KL: variants seen among roughly 807,000 people sequenced by gnomAD.
The protein encoded by KL is alpha-klotho.
KL carries 62 observed loss-of-function variants against 84.2 expected under a neutral mutation model. The observed-to-expected ratio is 0.74, with a 90% CI of 0.60 to 0.91. The LOEUF is 0.91. KL is among the 40% of genes least tolerant of loss of function. The probability of loss-of-function intolerance (pLI) is 0.00; values close to 1 mark genes in which losing one functional copy is unlikely to be tolerated. For synonymous variants in KL, 528 were observed against 528.0 expected (o/e 1.00, Z 0.00); for missense variants, 1,261 against 1,305.7 (o/e 0.97, Z 0.53).
At chr13:33,033,160 T>G (rs748350486) in intron 1 of KL, among the ~76,000 whole-genome samples, 1 of 152,206 alleles carries the variant, frequency 6.6e-6, no homozygotes, top group Non-Finnish European at 1.5e-5. Context: ...TCCTTCACAA[T>G]TCTCATTTCC....
intron 1 of KL, among the ~76,000 whole-genome samples, chr13:33,039,966 C>T (rs972831746): frequency 8.5e-5 from 13 of 152,108 alleles, no homozygotes; most frequent in Admixed American, 2.6e-4. Flanking sequence ...GCTAAGAAGT[C>T]CAAAGCAGGT....
intron 1 of KL, among the ~76,000 whole-genome samples, chr13:33,041,584 C>T (rs1871340628): frequency 6.6e-6 from 1 of 152,048 alleles, no homozygotes. Flanking sequence ...GGTGCTATTA[C>T]TATCCCTACT....
At chr13:33,033,694 G>GCCCCCGGA in intron 1 of KL, among the ~76,000 whole-genome samples, 1 of 151,890 alleles carries the variant, frequency 6.6e-6, no homozygotes, top group African/African-American at 2.4e-5. Context: ...TCTCCTGGAG[G>GCCCCCGGA]CCCCCGGAAC....
At chr13:33,046,148 T>C (rs945422707) in intron 1 of KL, among the ~76,000 whole-genome samples, 8 of 152,246 alleles carry the variant, frequency 5.3e-5, no homozygotes, top group Non-Finnish European at 8.8e-5. Context: ...ATCAAGATAA[T>C]GCTGGCCACA....
chr13:33,051,143 A>C (rs181755628), intron 1 of KL, among the ~76,000 whole-genome samples: 92 of 152,312 alleles, frequency 6.0e-4, no homozygotes, highest in Middle Eastern at 6.8e-3. Flanking sequence ...CTGCATTAGG[A>C]GTTTTACATG....
intron 4 of KL, 83 bp downstream of exon 4, chr13:33,061,863 C>G: frequency 7.3e-7 from 1 of 1,377,216 alleles, no homozygotes; most frequent in Non-Finnish European, 1.0e-6. Context: ...AACATCAACA[C>G]ACACTGCCAC....
Position 33,055,156 on chromosome 13 carries a change from C to T in KL, c.1440C>T (p.Asp480=). The T allele has an allele frequency of 6.8e-6, 11 of 1,614,210 alleles. No individual in the cohort carries two copies. Among genetic ancestry groups the T allele is most frequent in the Non-Finnish European group, 9.3e-6 (11 of 1,180,036 alleles). ...TCAGGCGTGGACTCTTCTATGTTGA[C>T]TTTCTAAGCCAGGACAAGATGTTGT... ...YSIRRGLFYV[D]FLSQDKMLLP... Residue 480 remains aspartate, a synonymous_variant, in exon 3 of 5, where the codon GAC becomes GAT. Coordinates refer to ENST00000380099, the MANE Select transcript of KL (RefSeq NM_004795.4).
intron 1 of KL, among the ~76,000 whole-genome samples, chr13:33,041,098 A>G (rs971007854): frequency 6.6e-6 from 1 of 152,070 alleles, no homozygotes; most frequent in Non-Finnish European, 1.5e-5. Flanking sequence ...GTAGCCACTG[A>G]TTTTTGGAAA....
Position 33,057,217 on chromosome 13 carries a change from T to C in KL, c.1599+1902T>C, listed in dbSNP as rs1374464365. Among the ~76,000 whole-genome samples, 2 of 152,052 alleles carry C rather than the reference T, an allele frequency of 1.3e-5. 1 individual carries two copies. Among genetic ancestry groups the C allele is most frequent in the Non-Finnish European group, 2.9e-5 (2 of 68,004 alleles). On this transcript the variant is annotated intron_variant, in intron 3 of 4. Coordinates refer to ENST00000380099, the MANE Select transcript of KL (RefSeq NM_004795.4). The stretch of plus-strand genomic sequence containing the variant: ...CCTGAGTCTGGCAGGTTCAGTCCTT[T>C]GTATGCGGCACAATCTCCCAGCCAG...
chr13:33,060,516 G>A (rs1198759896), intron 3 of KL, among the ~76,000 whole-genome samples, 163 bp from the exon 4 acceptor site: 2 of 152,164 alleles, frequency 1.3e-5, no homozygotes, highest in African/African-American at 4.8e-5. Context: ...GTGGAATATT[G>A]TCTTCCTCAG....
At chr13:33,034,464 T>C (rs918802323) in intron 1 of KL, among the ~76,000 whole-genome samples, 8 of 152,076 alleles carry the variant, frequency 5.3e-5, no homozygotes, top group African/African-American at 1.9e-4. Context: ...GATTTTGTTC[T>C]GTAGAGATGT....
chr13:33,061,326 T>C lies in KL; in HGVS notation c.2247T>C (p.Ala749=), dbSNP rs648202. Residue 749 remains alanine, a synonymous_variant, in exon 4 of 5, where the codon GCT becomes GCC. Transcript: ENST00000380099. The part of the protein sequence containing the change: ...CPFSQKDKEV[A]ERVLEFDIGW... Reference sequence around the variant, plus strand: ...TCTCCCAAAAGGACAAAGAGGTGGCTGAGAGAGTTTTGGAATTTGACATTG... The same window carrying C: ...TCTCCCAAAAGGACAAAGAGGTGGCCGAGAGAGTTTTGGAATTTGACATTG... 0.83 allele frequency: 1,343,674 copies of C among 1,613,948 alleles called. 563,754 individuals carry two copies. The highest frequency in any genetic ancestry group is 0.86 in the Non-Finnish European group (1,009,965 of 1,180,012).
At chr13:33,042,070 A>AT (rs1273604785) in intron 1 of KL, among the ~76,000 whole-genome samples, 4 of 152,128 alleles carry the variant, frequency 2.6e-5, no homozygotes, top group Non-Finnish European at 2.9e-5. Flanking sequence ...AAATATATAT[A>AT]TTTTTTTAAC....
At chr13:33,031,251 T>C (rs750977517) in intron 1 of KL, among the ~76,000 whole-genome samples, 2 of 152,144 alleles carry the variant, frequency 1.3e-5, no homozygotes, top group African/African-American at 4.8e-5. Context: ...ATAGAAAAAG[T>C]ATGGTTTCAA....
In KL at chr13:33,053,886, C is replaced by T. The variant is rs766598152; in HGVS notation, c.939C>T (p.Ile313=). 1 of 1,614,152 alleles carries T rather than the reference C, an allele frequency of 6.2e-7. No homozygotes were observed. The highest frequency in any genetic ancestry group is 1.7e-5 in the Admixed American group (1 of 60,006). ...INPRRMTDHS[I]KECQKSLDFV... ...CTCGAAGAATGACCGACCACAGCAT[C>T]AAAGAATGTCAAAAATCTCTGGACT... Residue 313 remains isoleucine, a synonymous_variant, in exon 2 of 5, where the codon ATC becomes ATT. Transcript: ENST00000380099.
At chr13:33,046,613 T>C (rs980333311) in intron 1 of KL, among the ~76,000 whole-genome samples, 2 of 152,172 alleles carry the variant, frequency 1.3e-5, no homozygotes, top group African/African-American at 2.4e-5. Flanking sequence ...GTTGATTCTA[T>C]AATTTTTCTG....
At chr13:33,059,462 TTTC>T (rs1872089294) in intron 3 of KL, among the ~76,000 whole-genome samples, 1 of 151,980 alleles carries the variant, frequency 6.6e-6, no homozygotes, top group African/African-American at 2.4e-5. Context: ...CTCCTTAGAC[TTTC>T]TTTTCTTTTT....
Position 33,061,514 on chromosome 13 carries a change from T to C in KL, c.2435T>C (p.Ile812Thr). 6.2e-7 allele frequency: 1 copy of C among 1,614,164 alleles called. No individual in the cohort carries two copies. The highest frequency in any genetic ancestry group is 1.1e-5 in the South Asian group (1 of 91,088). The change falls in exon 4 of 5, where the codon ATC (isoleucine) becomes ACC (threonine). Residue 812 changes from isoleucine to threonine, a missense_variant. Ile to Thr is a moderately conservative substitution (Grantham distance 89). Transcript: ENST00000380099. ...TTGGCTTTAAGCCATTATACCACCA[T>C]CCTTGTAGACTCAGAAAAAGAAGAT... ...DFLALSHYTT[I>T]LVDSEKEDPI...
At chr13:33,047,088 CAT>C (rs1225254649) in intron 1 of KL, among the ~76,000 whole-genome samples, 3 of 152,106 alleles carry the variant, frequency 2.0e-5, no homozygotes, top group African/African-American at 7.2e-5. Flanking sequence ...GAAAATGTAT[CAT>C]GTGCACTTGA....
Sources: allele counts gnomAD v4.1 joint callset (sites outside exome capture counted in the v4.1 genomes callset), GRCh38; gene constraint gnomAD v4.1.1; transcripts MANE v1.5; gene names NCBI Gene and HGNC (gene_info 2026-07-23, HGNC 2026-07-21).